The following LAMA4 variants were observed in gnomAD, a reference collection of about 807,000 sequenced individuals.
The protein encoded by LAMA4 is laminin subunit alpha 4.
A neutral mutation model predicts 207.1 loss-of-function variants in LAMA4; 127 were observed. The ratio of observed to expected loss-of-function variants is 0.61; its 90% CI spans 0.53 to 0.71. The LOEUF (loss-of-function observed/expected upper bound fraction) is 0.71, where lower values mean the gene tolerates loss of function less well. LAMA4 is among the 30% of genes least tolerant of loss of function. LAMA4 has a pLI of 0.00. For synonymous variants in LAMA4, 761 were observed against 816.0 expected, an observed-to-expected ratio of 0.93 and a Z score of 1.15; for missense variants, 2,093 against 2,246.5, an observed-to-expected ratio of 0.93 and a Z score of 1.38.
intron 2 of LAMA4, among the ~76,000 whole-genome samples, chr6:112,239,988 G>A (rs1409157811): frequency 2.6e-5 from 4 of 151,972 alleles, no homozygotes; most frequent in Non-Finnish European, 4.4e-5. Flanking sequence ...CCCGGGAGGC[G>A]GAGCTTGCAG....
Position 112,191,815 on chromosome 6 carries a change from A to G in LAMA4, c.539T>C (p.Ile180Thr). ...APGYYGNPLL[I>T]GSTCKKCDCS... ...GTCACATTTCTTACAGGTGCTTCCA[A>G]TGAGTAAGGGGTTTCCATAGTAACC... Residue 180 changes from isoleucine to threonine, a missense_variant, in exon 6 of 39, where the codon ATT becomes ACT. Transcript: ENST00000230538. 2.5e-6 allele frequency: 4 copies of G among 1,614,060 alleles called. No homozygotes were observed. The highest frequency in any genetic ancestry group is 1.1e-5 in the South Asian group (1 of 91,084).
intron 28 of LAMA4, among the ~76,000 whole-genome samples, chr6:112,132,049 A>G (rs576481013): frequency 6.6e-6 from 1 of 152,252 alleles, no homozygotes; most frequent in African/African-American, 2.4e-5. Context: ...TTAAATCACA[A>G]ATGTGTTTGT....
chr6:112,150,281 G>C (rs1490789454), intron 17 of LAMA4, among the ~76,000 whole-genome samples: 2 of 150,536 alleles, frequency 1.3e-5, no homozygotes, highest in Non-Finnish European at 3.0e-5. Flanking sequence ...GGAAAAAAAG[G>C]CTCTCAAATC....
At chr6:112,177,541 G>A (rs926459421) in intron 10 of LAMA4, among the ~76,000 whole-genome samples, 1 of 152,180 alleles carries the variant, frequency 6.6e-6, no homozygotes, top group African/African-American at 2.4e-5. Context: ...AGATTATCCT[G>A]CATGTATTGC....
At chr6:112,205,762 G>A (rs1784022076) in intron 4 of LAMA4, among the ~76,000 whole-genome samples, 1 of 152,000 alleles carries the variant, frequency 6.6e-6, no homozygotes, top group African/African-American at 2.4e-5. Flanking sequence ...CACCACCGAG[G>A]AACCAAACAT....
chr6:112,190,947 C>CTTTCCTTT (rs1491586717), intron 6 of LAMA4, among the ~76,000 whole-genome samples: 83 of 40,474 alleles, frequency 2.1e-3, no homozygotes, highest in African/African-American at 4.4e-3. Context: ...TTCTTTCTTT[C>CTTTCCTTT]CTTTCTTTCT....
chr6:112,119,231 A>G lies in LAMA4; in HGVS notation c.4746T>C (p.Thr1582=), dbSNP rs941191492. The stretch of plus-strand genomic sequence containing the variant: ...GACCCTTGATTTTCCAGGTAGCTTC[A>G]GTAGGAGGAAGACTTTCTTCTAGGA... ...LRVLEESLPP[T]EATWKIKGPI... The change falls in exon 34 of 39, where the codon ACT becomes ACC. Residue 1582 remains threonine (T), a synonymous_variant. Coordinates refer to ENST00000230538, the MANE Select transcript of LAMA4 (RefSeq NM_001105206.3). The G allele has an allele frequency of 5.0e-6, 8 of 1,614,020 alleles. No homozygotes were observed. Among genetic ancestry groups the G allele is most frequent in the Non-Finnish European group, 5.1e-6 (6 of 1,179,938 alleles).
intron 5 of LAMA4, among the ~76,000 whole-genome samples, chr6:112,199,016 C>G (rs377164251): frequency 5.9e-5 from 9 of 152,268 alleles, no homozygotes; most frequent in African/African-American, 2.2e-4. Flanking sequence ...GGCTAATGCT[C>G]AAATCTCTTC....
At chr6:112,137,349 T>C (rs1779414166) in intron 24 of LAMA4, among the ~76,000 whole-genome samples, 1 of 152,230 alleles carries the variant, frequency 6.6e-6, no homozygotes, top group Admixed American at 6.5e-5. Flanking sequence ...TTTCAACTTC[T>C]ATTTATACTA....
At chr6:112,183,849 G>T (rs1331713714) in intron 9 of LAMA4, among the ~76,000 whole-genome samples, 3 of 150,708 alleles carry the variant, frequency 2.0e-5, no homozygotes, top group African/African-American at 7.3e-5. Flanking sequence ...TACCCAGGAG[G>T]CTGAGGCAGG....
chr6:112,108,025 A>G lies in LAMA4; in HGVS notation c.*1412T>C, dbSNP rs1216573370. Among the ~76,000 whole-genome samples the G allele has an allele frequency of 1.3e-5, 2 of 152,140 alleles. No homozygotes were observed. The highest frequency in any genetic ancestry group is 2.9e-5 in the Non-Finnish European group (2 of 67,976). ...ATTAGCTATGTTTATCGATATCTTC[A>G]ACATTATCATTATTTGTATATTTCA... On this transcript the variant is annotated 3_prime_UTR_variant, in exon 39 of 39. Coordinates refer to ENST00000230538, the MANE Select transcript of LAMA4 (RefSeq NM_001105206.3).
intron 9 of LAMA4, chr6:112,179,553 T>TGGTA: frequency 6.5e-6 from 1 of 153,352 alleles, no homozygotes; most frequent in African/African-American, 2.4e-5. Context: ...CACAGAGCGC[T>TGGTA]GGTAGACCCA....
intron 12 of LAMA4, among the ~76,000 whole-genome samples, chr6:112,168,458 G>C (rs1781523407): frequency 6.8e-6 from 1 of 147,882 alleles, no homozygotes; most frequent in South Asian, 2.1e-4. Flanking sequence ...CAATTCTCCT[G>C]TCTCAGCCTC....
In LAMA4 at chr6:112,122,004, G is replaced by T. The variant is rs1778390477; in HGVS notation, c.4475+10C>A. The T allele has an allele frequency of 6.2e-7, 1 of 1,609,624 alleles. No individual in the cohort carries two copies. Among genetic ancestry groups the T allele is most frequent in the Non-Finnish European group, 8.5e-7 (1 of 1,175,946 alleles). On this transcript the variant is annotated intron_variant, in intron 32 of 38. Transcript: ENST00000230538. ...CATTAGGAGTCTAGGAGTATAGTGT[G>T]TTACTTTACTTGGCACCAAAATCTC...
At chr6:112,181,566 ACTC>A (rs1554345277) in intron 9 of LAMA4, among the ~76,000 whole-genome samples, 1 of 151,636 alleles carries the variant, frequency 6.6e-6, no homozygotes, top group East Asian at 1.9e-4. Context: ...TATCTGATAA[ACTC>A]CTACTCATTC....
intron 28 of LAMA4, among the ~76,000 whole-genome samples, chr6:112,131,486 T>C (rs1422280844): frequency 6.6e-6 from 1 of 152,162 alleles, no homozygotes; most frequent in Non-Finnish European, 1.5e-5. Context: ...TTTACTAGTT[T>C]GGCTTTTTAA....
chr6:112,150,767 C>T (rs1252153459), intron 16 of LAMA4, 140 bp from the exon 17 acceptor site: 16 of 719,164 alleles, frequency 2.2e-5, no homozygotes, highest in Non-Finnish European at 3.5e-5. Flanking sequence ...GAACATAGAT[C>T]AACAATTCTG....
chr6:112,155,080 T>G (rs1780626122), intron 15 of LAMA4, 133 bp from the exon 16 acceptor site: 1 of 731,438 alleles, frequency 1.4e-6, no homozygotes, highest in African/African-American at 1.7e-5. Flanking sequence ...TTTCACAGCT[T>G]AAAATTAAGG....
At chr6:112,159,596 C>T (rs1051466079) in intron 13 of LAMA4, 4 of 152,594 alleles carry the variant, frequency 2.6e-5, no homozygotes, top group Non-Finnish European at 2.9e-5. Context: ...AATAGTGATT[C>T]TAAACATTGT....
Sources: gnomAD v4.1 joint callset for allele counts (sites outside exome capture counted in the v4.1 genomes callset) on GRCh38, gnomAD v4.1.1 for gene constraint, MANE v1.5 for transcripts, NCBI Gene and HGNC (gene_info 2026-07-23, HGNC 2026-07-21) for gene names.